The following WNT9B variants were observed in gnomAD, a reference collection of about 807,000 sequenced individuals.
WNT9B encodes protein Wnt-9b.
A neutral mutation model predicts 30.2 loss-of-function variants in WNT9B; 12 were observed. The observed-to-expected ratio is 0.40, with a 90% CI of 0.26 to 0.64. The LOEUF (loss-of-function observed/expected upper bound fraction) is 0.64, where lower values mean the gene tolerates loss of function less well. Among genes scored for constraint, WNT9B ranks in the 30% least tolerant of loss-of-function variants. WNT9B has a pLI of 0.42. For missense variants in WNT9B, 442 were observed against 485.2 expected (o/e 0.91, Z 0.84); for synonymous variants, 218 against 216.9 (o/e 1.01, Z -0.05).
chr17:46,874,164 G>T (rs1212668597), intron 2 of WNT9B, among the ~76,000 whole-genome samples: 1 of 152,046 alleles, frequency 6.6e-6, no homozygotes, highest in Non-Finnish European at 1.5e-5. Flanking sequence ...CTGGTGGGAG[G>T]CCAGGTTTGG....
intron 1 of WNT9B, among the ~76,000 whole-genome samples, chr17:46,840,311 CTCCTGACCTCATG>C (rs2084698212): frequency 6.6e-6 from 1 of 152,132 alleles, no homozygotes; most frequent in Non-Finnish European, 1.5e-5. Flanking sequence ...TGGTCTCGAT[CTCCTGACCTCATG>C]ATCCACCCGC....
At chr17:46,851,481 G>A, upstream of WNT9B, 1 of 350,992 alleles carries the variant, frequency 2.8e-6, no homozygotes, top group Non-Finnish European at 5.0e-6. This position sits in a 1 kb window ranked among gnomAD's most constrained non-coding sequence, Gnocchi z 4.3. Flanking sequence ...TGGGGCGGGG[G>A]GCTCGCCGCC....
upstream of WNT9B, among the ~76,000 whole-genome samples, chr17:46,846,601 C>A (rs1042473112): frequency 1.3e-5 from 2 of 152,240 alleles, no homozygotes; most frequent in Admixed American, 6.5e-5. Flanking sequence ...CTGCCCTTGG[C>A]CACAGAAGCA....
intron 1 of WNT9B, among the ~76,000 whole-genome samples, chr17:46,869,578 C>T (rs2085203099): frequency 6.6e-6 from 1 of 152,220 alleles, no homozygotes; most frequent in South Asian, 2.1e-4. Context: ...CTGGGTCTGG[C>T]TCCCAAGTGC....
intron 1 of WNT9B, among the ~76,000 whole-genome samples, chr17:46,846,404 G>A (rs534231208): frequency 6.6e-6 from 1 of 152,336 alleles, no homozygotes; most frequent in African/African-American, 2.4e-5. Flanking sequence ...AAAGAAACAG[G>A]GGACAGGGTC....
At chr17:46,856,955 G>T (rs560626077) in intron 1 of WNT9B, among the ~76,000 whole-genome samples, 1 of 152,140 alleles carries the variant, frequency 6.6e-6, no homozygotes, top group African/African-American at 2.4e-5. Context: ...CCACTTCTCC[G>T]CTTTCAGTCA....
intron 1 of WNT9B, among the ~76,000 whole-genome samples, chr17:46,836,892 C>T (rs1263929646): frequency 6.6e-6 from 1 of 152,156 alleles, no homozygotes; most frequent in Non-Finnish European, 1.5e-5. Context: ...TGTAAATGAA[C>T]CCTTTGCTTT....
intron 1 of WNT9B, among the ~76,000 whole-genome samples, chr17:46,869,856 A>T (rs1458211438): frequency 3.3e-5 from 5 of 151,956 alleles, no homozygotes; most frequent in Non-Finnish European, 7.4e-5. Context: ...AAAATTAGCC[A>T]GGGATGGTGG....
At chr17:46,872,381 G>A (rs2085259972) in intron 1 of WNT9B, 136 bp from the exon 2 acceptor site, 1 of 1,318,552 alleles carries the variant, frequency 7.6e-7, no homozygotes, top group Non-Finnish European at 9.8e-7. Context: ...CTGTAAAATG[G>A]GGACGGGACC....
At chr17:46,882,274 C>T (rs2085433473), downstream of WNT9B, among the ~76,000 whole-genome samples, 2 of 152,102 alleles carry the variant, frequency 1.3e-5, no homozygotes, top group Non-Finnish European at 2.9e-5. Flanking sequence ...TAGAACAGTC[C>T]CCCTCTTTCT....
chr17:46,840,011 CT>C (rs1259217136), intron 1 of WNT9B, among the ~76,000 whole-genome samples: 37 of 82,970 alleles, frequency 4.5e-4, no homozygotes, highest in African/African-American at 1.5e-3. Flanking sequence ...TTCTTTCTTT[CT>C]TTCTTTCTTT....
chr17:46,873,117 C>T (rs896442075), intron 2 of WNT9B, among the ~76,000 whole-genome samples: 1 of 151,758 alleles, frequency 6.6e-6, no homozygotes, highest in Non-Finnish European at 1.5e-5. Flanking sequence ...CACACACACA[C>T]ACACACACAC....
intron 1 of WNT9B, among the ~76,000 whole-genome samples, chr17:46,859,678 T>A (rs2085001623): frequency 6.6e-6 from 1 of 152,196 alleles, no homozygotes; most frequent in Non-Finnish European, 1.5e-5. Flanking sequence ...CTATTCAGGG[T>A]CATTGTATTT....
chr17:46,884,775 G>A (rs183649321), downstream of WNT9B, among the ~76,000 whole-genome samples: 185 of 152,276 alleles, frequency 1.2e-3, no homozygotes, highest in African/African-American at 4.3e-3. Context: ...AGTATGAGGC[G>A]GGGCCAGCTT....
rs761237620 is a variant in WNT9B at position 46,872,623 on chromosome 17, C to A, written c.184C>A (p.Arg62=). ...GCAGTGTGACCTGCTGAAGCTGTCC[C>A]GGCGGCAGAAGCAGCTCTGCCGGAG... The part of the protein sequence containing the change: ...LKQCDLLKLS[R]RQKQLCRREP... The change falls in exon 2 of 4, where the codon CGG becomes AGG. Residue 62 remains arginine, a synonymous_variant. Coordinates refer to ENST00000290015, the MANE Select transcript of WNT9B (RefSeq NM_003396.3). 4 of 1,613,266 alleles carry A rather than the reference C, an allele frequency of 2.5e-6. No homozygotes were observed. Among genetic ancestry groups the A allele is most frequent in the Non-Finnish European group, 2.5e-6 (3 of 1,179,860 alleles).
chr17:46,871,989 G>A (rs1224003355), intron 1 of WNT9B, among the ~76,000 whole-genome samples: 1 of 152,198 alleles, frequency 6.6e-6, no homozygotes, highest in African/African-American at 2.4e-5. Flanking sequence ...AAGGGAGAGA[G>A]GGATGTCAGG....
upstream of WNT9B, among the ~76,000 whole-genome samples, chr17:46,847,536 G>GCC (rs1206083812): frequency 6.6e-6 from 1 of 152,210 alleles, no homozygotes; most frequent in East Asian, 1.9e-4. Context: ...TGACAAGAAG[G>GCC]CCAGGTCACC....
rs1232371497 is a variant in WNT9B at position 46,879,046 on chromosome 17, AGCTTTAAGGG to A, written c.*2329_*2338del. ...AGTGACCACTGACCCCTCATTCTAC[AGCTTTAAGGG>A]AAATGCTCACAGGGTATTTTTGTCT... On this transcript the variant is annotated 3_prime_UTR_variant, in exon 4 of 4. Transcript: ENST00000290015. Among the ~76,000 whole-genome samples the A allele has an allele frequency of 1.3e-5, 2 of 152,214 alleles. No individual in the cohort carries two copies. Among genetic ancestry groups the A allele is most frequent in the African/African-American group, 4.8e-5 (2 of 41,450 alleles).
chr17:46,851,693 G>A lies in WNT9B; in HGVS notation c.55G>A (p.Ala19Thr). The stretch of plus-strand genomic sequence containing the variant: ...CGGGCTCTGCCTGCTGGCGCTGCCC[G>A]CCGCCGCCGCCTCCTACTTCGGGTC... ...LAGLCLLALP[A>T]AAASYFGLTG... Residue 19 changes from alanine to threonine, a missense_variant, in exon 1 of 4, where the codon GCC (alanine) becomes ACC (threonine). Physicochemically the swap from Ala to Thr is moderately conservative, Grantham distance 58. Coordinates refer to ENST00000290015, the MANE Select transcript of WNT9B (RefSeq NM_003396.3). This position sits in a 1 kb window ranked among gnomAD's most constrained non-coding sequence, Gnocchi z 4.3. The A allele has an allele frequency of 1.6e-6, 2 of 1,278,268 alleles. No homozygotes were observed. Among genetic ancestry groups the A allele is most frequent in the Non-Finnish European group, 2.0e-6 (2 of 1,012,574 alleles). 79.2% of individuals were successfully genotyped at this position (1,278,268 alleles called of 1,614,324 possible). A position where few individuals can be genotyped will look rare whatever the true frequency, so the allele number is the denominator to read the frequency against.
Sources: allele counts gnomAD v4.1 joint callset (sites outside exome capture counted in the v4.1 genomes callset), GRCh38; gene constraint gnomAD v4.1.1; non-coding constraint Gnocchi (gnomAD v3.1); transcripts MANE v1.5; gene names NCBI Gene and HGNC (gene_info 2026-07-23, HGNC 2026-07-21).